ZNF138: variants seen among roughly 807,000 people sequenced by gnomAD.
The protein encoded by ZNF138 is zinc finger protein 138 (clone pHZ-32).
ZNF138 carries 33 observed loss-of-function variants against 33.0 expected under a neutral mutation model. That is an observed-to-expected ratio of 1.00 (90% CI 0.76 to 1.34). The LOEUF is 1.34. ZNF138 is among the 40% of genes most tolerant of loss of function. The pLI, the probability that ZNF138 is intolerant of heterozygous loss-of-function variation, is 0.00. For synonymous variants in ZNF138, 139 were observed against 120.4 expected (o/e 1.15, Z -1.01); for missense variants, 360 against 370.8 (o/e 0.97, Z 0.24).
At chr7:64,855,440 T>TCAGTAAA in the ZNF138 span, among the ~76,000 whole-genome samples, 1 of 11,864 alleles carries the variant, frequency 8.4e-5, no homozygotes, top group African/African-American at 9.0e-5. Context: ...AAGAATTTTA[T>TCAGTAAA]TTTATCTTGC....
intron 3 of ZNF138, among the ~76,000 whole-genome samples, chr7:64,828,438 C>A (rs1171003659): frequency 6.6e-6 from 1 of 152,022 alleles, no homozygotes; most frequent in Admixed American, 6.5e-5. Flanking sequence ...CAATCTTTTC[C>A]ATGGCTGGCC....
chr7:64,817,267 C>T (rs990319788), intron 3 of ZNF138, among the ~76,000 whole-genome samples: 3 of 152,178 alleles, frequency 2.0e-5, no homozygotes, highest in Non-Finnish European at 2.9e-5. Flanking sequence ...TGTCTTCCTT[C>T]CTGCAGGCCT....
chr7:64,819,522 C>A (rs1365987382), intron 3 of ZNF138, among the ~76,000 whole-genome samples: 1 of 151,910 alleles, frequency 6.6e-6, no homozygotes, highest in African/African-American at 2.4e-5. Flanking sequence ...TGGCCGCCAC[C>A]ATGCCTGGAT....
intron 1 of ZNF138, among the ~76,000 whole-genome samples, chr7:64,797,963 CAG>C (rs1302826093): frequency 2.6e-5 from 4 of 151,942 alleles, no homozygotes; most frequent in East Asian, 1.9e-4. Context: ...TTTTTTGAGA[CAG>C]AGTCTTACTT....
chr7:64,806,162 A>G (rs1029708281), intron 1 of ZNF138, among the ~76,000 whole-genome samples: 1 of 152,216 alleles, frequency 6.6e-6, no homozygotes, highest in African/African-American at 2.4e-5. Context: ...GCTTTAATCT[A>G]GAGGGGCCTT....
rs566245512 is a variant in ZNF138 at position 64,803,872 on chromosome 7, T to C, written c.3+9301T>C. Among the ~76,000 whole-genome samples the C allele has an allele frequency of 3.3e-5, 5 of 152,306 alleles. No homozygotes were observed. The East Asian group carries it at 7.7e-4, about 23-fold the overall frequency. On this transcript the variant is annotated intron_variant, in intron 1 of 3. Transcript: ENST00000307355. Reference sequence around the variant, plus strand: ...ATAACATGGTTACTAATTTATCCAATAGAGATAATTATAGGTAAGCATAAC... The same window carrying C: ...ATAACATGGTTACTAATTTATCCAACAGAGATAATTATAGGTAAGCATAAC...
At chr7:64,813,833 T>C (rs1781132311) in intron 1 of ZNF138, among the ~76,000 whole-genome samples, 1 of 152,178 alleles carries the variant, frequency 6.6e-6, no homozygotes, top group Admixed American at 6.5e-5. Flanking sequence ...CAACACCGCA[T>C]AAAATTTGTC....
chr7:64,802,550 T>C (rs866054186), intron 1 of ZNF138, among the ~76,000 whole-genome samples: 1 of 152,156 alleles, frequency 6.6e-6, no homozygotes, highest in Non-Finnish European at 1.5e-5. Flanking sequence ...TCTCATAATG[T>C]TACGCCAGAG....
the ZNF138 span, among the ~76,000 whole-genome samples, chr7:64,841,875 T>C: frequency 6.6e-6 from 1 of 152,322 alleles, no homozygotes; most frequent in African/African-American, 2.4e-5. Context: ...ACGCATACAC[T>C]GTCCATAGAT....
intron 2 of ZNF138, 51 bp from the exon 3 acceptor site, chr7:64,815,523 CAG>C (rs1206842519): frequency 6.5e-7 from 1 of 1,535,606 alleles, no homozygotes; most frequent in African/African-American, 1.4e-5. Flanking sequence ...GAATATGAGC[CAG>C]AGTCATGTTA....
chr7:64,823,541 G>A (rs1789336635), intron 3 of ZNF138, among the ~76,000 whole-genome samples: 1 of 152,106 alleles, frequency 6.6e-6, no homozygotes, highest in East Asian at 1.9e-4. Flanking sequence ...TCACTATGTT[G>A]CCCAGGCTGG....
At chr7:64,849,318 A>G in the ZNF138 span, among the ~76,000 whole-genome samples, 1 of 152,138 alleles carries the variant, frequency 6.6e-6, no homozygotes, top group Non-Finnish European at 1.5e-5. Context: ...TCAGCTGTGG[A>G]TATTAGCACC....
At chr7:64,844,010 C>G in the ZNF138 span, among the ~76,000 whole-genome samples, 733 of 151,946 alleles carry the variant, frequency 4.8e-3, 1 homozygote, top group Non-Finnish European at 7.0e-3. Context: ...TTTTAGTAGA[C>G]ACAGGGTTTC....
chr7:64,859,323 G>A, the ZNF138 span, among the ~76,000 whole-genome samples: 2 of 152,160 alleles, frequency 1.3e-5, no homozygotes, highest in South Asian at 2.1e-4. Context: ...TACATGGGAT[G>A]AGTCCTAAGA....
intron 1 of ZNF138, among the ~76,000 whole-genome samples, chr7:64,808,637 CAG>C (rs1474233998): frequency 4.7e-5 from 7 of 149,886 alleles, no homozygotes; most frequent in African/African-American, 1.5e-4. Flanking sequence ...GTGTTTCTCA[CAG>C]AGGGGGATTT....
At chr7:64,798,773 C>T (rs1187499946) in intron 1 of ZNF138, among the ~76,000 whole-genome samples, 3 of 125,510 alleles carry the variant, frequency 2.4e-5, no homozygotes, top group Admixed American at 1.6e-4. Context: ...AGTGAAACTC[C>T]GACTCAAAAA....
rs1054691834 is a variant in ZNF138 at position 64,832,514 on chromosome 7, C to T, written c.*312C>T. The stretch of plus-strand genomic sequence containing the variant: ...AGAAACCCCACAAATGTGGAGAATG[C>T]GGAAAAGCCTTTAACTGGTCCTCAA... On this transcript the variant is annotated 3_prime_UTR_variant, in exon 4 of 4. Coordinates refer to ENST00000307355, the MANE Select transcript of ZNF138 (RefSeq NM_001271639.2). 34 of 865,360 alleles carry T rather than the reference C, an allele frequency of 3.9e-5. No individual in the cohort carries two copies. The highest frequency in any genetic ancestry group is 4.9e-5 in the Non-Finnish European group (30 of 609,926). The allele number at this position is 865,360 out of a possible 1,614,324, so 53.6% of individuals were successfully genotyped here. A position where few individuals can be genotyped will look rare whatever the true frequency, so the allele number is the denominator to read the frequency against.
the ZNF138 span, among the ~76,000 whole-genome samples, chr7:64,853,714 A>T: frequency 6.6e-6 from 1 of 151,706 alleles, no homozygotes; most frequent in Non-Finnish European, 1.5e-5. Flanking sequence ...CAGCATATAC[A>T]TATCATATTA....
At position 64,810,154 on chromosome 7, in the gene ZNF138, C is replaced by A. The variant is rs1788029060; in HGVS notation, c.4-4764C>A. ...CGAGCCCAGATCACGCCACTGCACT[C>A]CAGCCTGGGCACCATTGAGCACTGA... On this transcript the variant is annotated intron_variant, in intron 1 of 3. Transcript: ENST00000307355. Among the ~76,000 whole-genome samples, 3 of 119,178 alleles carry A rather than the reference C, an allele frequency of 2.5e-5. No individual in the cohort carries two copies. In the Admixed American group the frequency reaches 2.8e-4, roughly 11 times the overall value. The allele number at this position is 119,178 out of a possible 152,430, so 78.2% of individuals were successfully genotyped here. A position where few individuals can be genotyped will look rare whatever the true frequency, so the allele number is the denominator to read the frequency against.
Sources: gnomAD v4.1 joint callset for allele counts (sites outside exome capture counted in the v4.1 genomes callset) on GRCh38, gnomAD v4.1.1 for gene constraint, MANE v1.5 for transcripts, NCBI Gene and HGNC (gene_info 2026-07-23, HGNC 2026-07-21) for gene names.